Variants in ACYP2 observed in about 807,000 individuals in gnomAD.
ACYP2 encodes the protein acylphosphatase-2.
A neutral mutation model predicts 11.2 loss-of-function variants in ACYP2; 12 were observed. That is an observed-to-expected ratio of 1.08 (90% CI 0.69 to 1.74). The LOEUF is 1.74. ACYP2 is among the 40% of genes most tolerant of loss of function. The probability of loss-of-function intolerance (pLI) is 0.00; values close to 1 mark genes in which losing one functional copy is unlikely to be tolerated. For missense variants in ACYP2, 134 were observed against 101.9 expected (o/e 1.31, Z -1.35); for synonymous variants, 43 against 32.2 (o/e 1.33, Z -1.13).
At chr2:54,026,921 G>A (rs939768255) in intron 2 of ACYP2, among the ~76,000 whole-genome samples, 1 of 151,080 alleles carries the variant, frequency 6.6e-6, no homozygotes, top group African/African-American at 2.4e-5. Context: ...GGTGGGAGGG[G>A]AGCGAGGGAT....
At chr2:54,168,953 C>G (rs1683119873) in intron 6 of ACYP2, among the ~76,000 whole-genome samples, 1 of 152,122 alleles carries the variant, frequency 6.6e-6, no homozygotes. Flanking sequence ...GTAAGATGAG[C>G]CAAAGCTTTA....
chr2:54,159,728 A>C (rs1331955267), intron 6 of ACYP2, among the ~76,000 whole-genome samples: 2 of 152,126 alleles, frequency 1.3e-5, no homozygotes, highest in African/African-American at 2.4e-5. Flanking sequence ...GCTCTGGGGC[A>C]GCACAGTGGG....
chr2:54,284,745 AT>A (rs1434899578), intron 6 of ACYP2, among the ~76,000 whole-genome samples: 2 of 151,598 alleles, frequency 1.3e-5, no homozygotes, highest in African/African-American at 2.4e-5. Flanking sequence ...TCACCCACCT[AT>A]TTTTCTCTTC....
rs1243577541 is a variant in ACYP2, at chr2:54,118,661, A to G, written c.278-16792A>G. Among the ~76,000 whole-genome samples the G allele has an allele frequency of 5.2e-5, 8 of 152,386 alleles. 1 individual carries two copies. The East Asian group carries it at 1.3e-3, about 26-fold the overall frequency. On this transcript the variant is annotated intron_variant, in intron 4 of 6. Transcript: ENST00000607452. ...TGTGCACATAGTGGTAACACGGTAT[A>G]TAATCAATTTGGACCAGCAGTAAAA...
chr2:54,244,686 C>T (rs1872329), intron 6 of ACYP2, among the ~76,000 whole-genome samples: 1 of 151,774 alleles, frequency 6.6e-6, no homozygotes, highest in African/African-American at 2.4e-5. Context: ...GGAATTGTCC[C>T]CCTCATTTTA....
chr2:54,121,905 C>G (rs1044480963), intron 4 of ACYP2, among the ~76,000 whole-genome samples: 1 of 152,182 alleles, frequency 6.6e-6, no homozygotes, highest in African/African-American at 2.4e-5. Flanking sequence ...CAAAAGTGAA[C>G]TGAATTAAAT....
intron 6 of ACYP2, among the ~76,000 whole-genome samples, chr2:54,210,985 T>G (rs1685310394): frequency 6.6e-6 from 1 of 152,202 alleles, no homozygotes; most frequent in Non-Finnish European, 1.5e-5. Context: ...CTGGTCTCTT[T>G]CACCTCTCTG....
At chr2:54,141,614 T>G (rs561489681) in intron 6 of ACYP2, among the ~76,000 whole-genome samples, 3 of 152,244 alleles carry the variant, frequency 2.0e-5, no homozygotes, top group African/African-American at 4.8e-5. Flanking sequence ...CACTGATCTA[T>G]TTCTCTGTTC....
At chr2:54,127,347 G>A (rs919227642) in intron 4 of ACYP2, among the ~76,000 whole-genome samples, 7 of 152,056 alleles carry the variant, frequency 4.6e-5, no homozygotes, top group African/African-American at 1.2e-4. Context: ...CAACAACACC[G>A]TTATATGTCT....
intron 4 of ACYP2, among the ~76,000 whole-genome samples, chr2:54,073,310 T>C (rs920238814): frequency 1.3e-5 from 2 of 151,854 alleles, no homozygotes; most frequent in African/African-American, 4.8e-5. Context: ...GAAGATCTCT[T>C]GAGCCCAGGA....
chr2:54,201,106 CTCT>C (rs200598281), intron 6 of ACYP2, among the ~76,000 whole-genome samples: 36,883 of 144,242 alleles, frequency 0.26, 4,597 homozygotes, highest in South Asian at 0.42. Flanking sequence ...GGTTCTCTCT[CTCT>C]TTTTTTTTTT....
At chr2:54,119,646 A>C (rs1558542739) in intron 4 of ACYP2, among the ~76,000 whole-genome samples, 2 of 152,388 alleles carry the variant, frequency 1.3e-5, no homozygotes, top group East Asian at 3.9e-4. Flanking sequence ...TCAATGAATT[A>C]AATTGGCTTG....
chr2:54,203,228 C>T (rs1215141), intron 6 of ACYP2, among the ~76,000 whole-genome samples: 53,247 of 151,896 alleles, frequency 0.35, 10,342 homozygotes, highest in African/African-American at 0.53. Context: ...CTTGAAGATA[C>T]TGTAAATGGA....
chr2:54,212,122 C>T lies in ACYP2; in HGVS notation c.404+73374C>T, dbSNP rs1685352098. ...TGGCGTGGCAGTGTTAGTTTTTTAG[C>T]AGAGGCAAATTTTGGATTTTTTTTA... is the stretch of plus-strand genomic sequence containing the variant. On this transcript the variant is annotated intron_variant, in intron 6 of 6. Transcript: ENST00000607452. Among the ~76,000 whole-genome samples, 3 of 152,116 alleles carry T rather than the reference C, an allele frequency of 2.0e-5. No homozygotes were observed. In the South Asian group the frequency reaches 6.2e-4, roughly 32 times the overall value.
chr2:54,245,972 G>A lies in ACYP2; in HGVS notation c.405-58716G>A, dbSNP rs1462001929. Among the ~76,000 whole-genome samples the A allele has an allele frequency of 4.6e-5, 7 of 152,096 alleles. No homozygotes were observed. In the East Asian group the frequency reaches 1.2e-3, roughly 25 times the overall value. On this transcript the variant is annotated intron_variant, in intron 6 of 6. Coordinates refer to ENST00000607452, the MANE Select transcript of ACYP2 (RefSeq NM_001320586.2). ...ACTTTTCTCCTATGTTTTTCTCTAG[G>A]AGTTTTATAGTTTTAGGTATTACAT...
intron 6 of ACYP2, among the ~76,000 whole-genome samples, chr2:54,154,772 G>A (rs939140576): frequency 1.3e-5 from 2 of 152,140 alleles, no homozygotes; most frequent in African/African-American, 2.4e-5. Context: ...TGGTATCAAG[G>A]TAATGCTAAC....
At chr2:54,046,525 G>GT (rs889763153) in intron 2 of ACYP2, among the ~76,000 whole-genome samples, 1 of 149,700 alleles carries the variant, frequency 6.7e-6, no homozygotes, top group Non-Finnish European at 1.5e-5. Context: ...AATACATGTT[G>GT]TTTGTCTCCA....
At chr2:54,153,261 T>G (rs1286625555) in intron 6 of ACYP2, among the ~76,000 whole-genome samples, 1 of 98,136 alleles carries the variant, frequency 1.0e-5, no homozygotes, top group Non-Finnish European at 2.0e-5. Flanking sequence ...TTGGAACCTT[T>G]GGAAAAAAAA....
rs537490077 is a variant in ACYP2, at chr2:54,247,992, G to C, written c.405-56696G>C. Among the ~76,000 whole-genome samples the C allele has an allele frequency of 3.3e-5, 5 of 152,326 alleles. No individual in the cohort carries two copies. In the East Asian group the frequency reaches 9.6e-4, roughly 29 times the overall value. On this transcript the variant is annotated intron_variant, in intron 6 of 6. Transcript: ENST00000607452. ...TTAGCCAGTGGCTACCATGCCCTAA[G>C]ACTTTAACAGATGATAACTATTACC...
Sources: allele counts gnomAD v4.1 joint callset (sites outside exome capture counted in the v4.1 genomes callset), GRCh38; gene constraint gnomAD v4.1.1; transcripts MANE v1.5; gene names NCBI Gene and HGNC (gene_info 2026-07-23, HGNC 2026-07-21).